Variants in LEPR observed in about 807,000 individuals in gnomAD.
LEPR encodes leptin receptor.
A neutral mutation model predicts 114.7 loss-of-function variants in LEPR; 56 were observed. That is an observed-to-expected ratio of 0.49 (90% CI 0.39 to 0.61). LEPR has a LOEUF of 0.61. Ranked by LOEUF, LEPR falls within the 20% of genes least tolerant of loss-of-function variation. The pLI, the probability that LEPR is intolerant of heterozygous loss-of-function variation, is 0.00. For synonymous variants in LEPR, 443 were observed against 461.4 expected, an observed-to-expected ratio of 0.96 and a Z score of 0.51; for missense variants, 1,202 against 1,352.9, an observed-to-expected ratio of 0.89 and a Z score of 1.75.
chr1:65,627,324 T>G (rs1260960594), intron 19 of LEPR, among the ~76,000 whole-genome samples: 1 of 152,228 alleles, frequency 6.6e-6, no homozygotes, highest in Non-Finnish European at 1.5e-5. Flanking sequence ...ATGATGTGAA[T>G]AGGCATTTCT....
At chr1:65,503,498 G>A (rs1290163570) in intron 2 of LEPR, among the ~76,000 whole-genome samples, 2 of 151,732 alleles carry the variant, frequency 1.3e-5, no homozygotes, top group Admixed American at 6.6e-5. Flanking sequence ...ATGTAAGCAC[G>A]GTAATCTAGT....
rs906413403 is a variant in LEPR at position 65,640,805 on chromosome 1, A to G, written c.*3790A>G. ...TTTAGGAAGTCTTGCTCTGTTGCCC[A>G]GCTGGAGTGCAGTGATGTGATCTCG... On this transcript the variant is annotated 3_prime_UTR_variant, in exon 20 of 20. Transcript: ENST00000349533. 7.3e-6 allele frequency: 1 copy of G among 137,572 alleles called. No homozygotes were observed. The allele number at this position is 137,572 out of a possible 1,614,324, so 8.5% of individuals were successfully genotyped here.
chr1:65,593,804 C>G (rs911081817), intron 6 of LEPR, among the ~76,000 whole-genome samples: 19 of 152,054 alleles, frequency 1.2e-4, no homozygotes, highest in African/African-American at 2.9e-4. Flanking sequence ...GGCATACAAG[C>G]AATTCAATCG....
At chr1:65,531,140 C>T (rs1650367251) in intron 2 of LEPR, among the ~76,000 whole-genome samples, 1 of 152,260 alleles carries the variant, frequency 6.6e-6, no homozygotes, top group East Asian at 1.9e-4. Context: ...CCTGTCTGGT[C>T]TCATTTCCTA....
At chr1:65,497,836 A>C (rs1648242210) in intron 2 of LEPR, among the ~76,000 whole-genome samples, 1 of 152,142 alleles carries the variant, frequency 6.6e-6, no homozygotes, top group African/African-American at 2.4e-5. Context: ...GGAATGTGAA[A>C]TTTTTGAGAG....
At chr1:65,482,286 C>T (rs1647266542) in intron 2 of LEPR, among the ~76,000 whole-genome samples, 2 of 152,056 alleles carry the variant, frequency 1.3e-5, no homozygotes, top group South Asian at 2.1e-4. Flanking sequence ...GCTGTATCTA[C>T]TCAAATGGAA....
chr1:65,611,972 T>A (rs1340277907), intron 14 of LEPR, among the ~76,000 whole-genome samples: 3 of 152,242 alleles, frequency 2.0e-5, no homozygotes, highest in African/African-American at 7.2e-5. Context: ...GGACCCTTGC[T>A]AATCTACCAT....
Position 65,572,315 on chromosome 1 carries a change from T to TTTTTAA in LEPR, c.371-9_371-8insTTAATT. ...GTTTTTTTTTTTTTTTTTTTTTTTT[T>TTTTTAA]TTAAATTCAGATGCAAACTGGAACA... is the stretch of plus-strand genomic sequence containing the variant. On this transcript the variant is annotated splice_polypyrimidine_tract_variant and intron_variant, in intron 4 of 19. Transcript: ENST00000349533. The TTTTTAA allele has an allele frequency of 6.8e-7, 1 of 1,469,974 alleles. No homozygotes were observed. The allele number at this position is 1,469,974 out of a possible 1,614,324, so 91.1% of individuals were successfully genotyped here.
intron 2 of LEPR, among the ~76,000 whole-genome samples, chr1:65,446,064 G>A (rs1454775816): frequency 6.6e-6 from 1 of 152,196 alleles, no homozygotes; most frequent in Non-Finnish European, 1.5e-5. Flanking sequence ...TATTAGTTGA[G>A]GTGCTGACTG....
At chr1:65,570,834 A>T in intron 4 of LEPR, 32 bp downstream of exon 4, 1 of 1,496,522 alleles carries the variant, frequency 6.7e-7, no homozygotes, top group Admixed American at 2.3e-5. Flanking sequence ...AATGTATTGA[A>T]CAATGTTTTT....
chr1:65,614,919 A>G (rs1439604456), intron 14 of LEPR, among the ~76,000 whole-genome samples: 1 of 152,176 alleles, frequency 6.6e-6, no homozygotes, highest in Non-Finnish European at 1.5e-5. Context: ...GTTGGGGCAG[A>G]AAATATACGA....
chr1:65,465,048 A>G (rs983006526), intron 2 of LEPR, among the ~76,000 whole-genome samples: 1 of 151,790 alleles, frequency 6.6e-6, no homozygotes, highest in Non-Finnish European at 1.5e-5. Flanking sequence ...GATCTTAGTT[A>G]TTTCTTGCCT....
At chr1:65,438,924 T>A (rs920488291) in intron 2 of LEPR, among the ~76,000 whole-genome samples, 1 of 152,314 alleles carries the variant, frequency 6.6e-6, no homozygotes, top group African/African-American at 2.4e-5. Context: ...CTGGGCAGTA[T>A]CAGCAATTAA....
intron 2 of LEPR, among the ~76,000 whole-genome samples, chr1:65,456,288 C>G (rs563265214): frequency 6.6e-6 from 1 of 152,028 alleles, no homozygotes; most frequent in Non-Finnish European, 1.5e-5. Context: ...TGTTCCTATT[C>G]GGCCATCTTG....
chr1:65,539,609 A>G (rs1486868952), intron 2 of LEPR, among the ~76,000 whole-genome samples: 2 of 152,228 alleles, frequency 1.3e-5, no homozygotes, highest in African/African-American at 4.8e-5. Context: ...AGTGTATACT[A>G]TAATTTTTAA....
chr1:65,596,076 CCACT>C (rs1480514307), intron 6 of LEPR, among the ~76,000 whole-genome samples: 2 of 151,946 alleles, frequency 1.3e-5, no homozygotes, highest in Non-Finnish European at 2.9e-5. Flanking sequence ...TCCTTTTTAA[CCACT>C]AAAATAATTG....
intron 2 of LEPR, among the ~76,000 whole-genome samples, chr1:65,426,865 G>A (rs772765514): frequency 6.6e-6 from 1 of 152,216 alleles, no homozygotes; most frequent in Non-Finnish European, 1.5e-5. Context: ...GGGCGTGGTG[G>A]CACACGCCTG....
chr1:65,526,908 A>G (rs535596783), intron 2 of LEPR, among the ~76,000 whole-genome samples: 8 of 152,358 alleles, frequency 5.3e-5, no homozygotes, highest in Non-Finnish European at 1.0e-4. Flanking sequence ...GCACTAGTTT[A>G]TATGCATTTA....
At chr1:65,530,703 G>A (rs1014257288) in intron 2 of LEPR, among the ~76,000 whole-genome samples, 1 of 152,042 alleles carries the variant, frequency 6.6e-6, no homozygotes, top group African/African-American at 2.4e-5. Context: ...ACTGCAACCT[G>A]TTTTATCAGC....
Sources: allele counts gnomAD v4.1 joint callset (sites outside exome capture counted in the v4.1 genomes callset), GRCh38; gene constraint gnomAD v4.1.1; transcripts MANE v1.5; gene names NCBI Gene and HGNC (gene_info 2026-07-23, HGNC 2026-07-21).